PDE4D: variants seen among roughly 807,000 people sequenced by gnomAD.
PDE4D encodes the protein 3',5'-cyclic-AMP phosphodiesterase 4D.
Under a neutral mutation model 87.4 loss-of-function variants are expected in PDE4D, and 24 were observed. That is an observed-to-expected ratio of 0.27 (90% CI 0.20 to 0.39). The LOEUF (loss-of-function observed/expected upper bound fraction) is 0.39. Among genes scored for constraint, PDE4D ranks in the 10% least tolerant of loss-of-function variants. PDE4D has a pLI of 1.00. For missense variants in PDE4D, 714 were observed against 1,041.0 expected, an observed-to-expected ratio of 0.69 and a Z score of 4.32; for synonymous variants, 384 against 383.2, an observed-to-expected ratio of 1.00 and a Z score of -0.02.
At chr5:59,980,686 A>G (rs74320966) in intron 3 of PDE4D, among the ~76,000 whole-genome samples, 6,048 of 152,284 alleles carry the variant, frequency 0.04, 361 homozygotes, top group East Asian at 0.14. Flanking sequence ...TGGGGACACC[A>G]GAATGTACTA....
At chr5:59,874,239 G>A (rs1330223314) in intron 1 of PDE4D, among the ~76,000 whole-genome samples, 2 of 152,268 alleles carry the variant, frequency 1.3e-5, no homozygotes, top group South Asian at 4.1e-4. Flanking sequence ...GGTGAGTCCA[G>A]TGAGATGTTA....
intron 3 of PDE4D, among the ~76,000 whole-genome samples, chr5:59,914,695 C>T (rs540512593): frequency 1.3e-4 from 20 of 151,862 alleles, no homozygotes; most frequent in Admixed American, 2.0e-4. Flanking sequence ...GAAGATCATA[C>T]TCTGGCTGCC....
chr5:59,197,394 A>G (rs1047766070), intron 2 of PDE4D, among the ~76,000 whole-genome samples: 9 of 152,150 alleles, frequency 5.9e-5, no homozygotes, highest in Admixed American at 1.3e-4. Context: ...CAAATATCTC[A>G]AGATGGTCTC....
chr5:59,513,153 T>C (rs1810552225), intron 1 of PDE4D, among the ~76,000 whole-genome samples: 1 of 152,162 alleles, frequency 6.6e-6, no homozygotes, highest in African/African-American at 2.4e-5. Flanking sequence ...TGGTTTACAG[T>C]GCAGCTATTT....
intron 5 of PDE4D, among the ~76,000 whole-genome samples, chr5:59,151,058 C>A (rs1341694748): frequency 6.6e-6 from 1 of 152,116 alleles, no homozygotes; most frequent in East Asian, 1.9e-4. Context: ...GTGATGGTTC[C>A]CAAAACTTCT....
chr5:60,383,350 C>T (rs529666928), intron 1 of PDE4D, among the ~76,000 whole-genome samples: 1 of 152,150 alleles, frequency 6.6e-6, no homozygotes, highest in Admixed American at 6.6e-5. Flanking sequence ...GAAATGAATT[C>T]TATGAAAATA....
chr5:60,021,747 A>G (rs531992545), intron 2 of PDE4D: 1 of 152,366 alleles, frequency 6.6e-6, no homozygotes, highest in Admixed American at 6.5e-5. Context: ...AAATCTAACC[A>G]GTGTTCTTCC....
chr5:59,787,212 G>A (rs779536824), intron 1 of PDE4D, among the ~76,000 whole-genome samples: 9 of 152,052 alleles, frequency 5.9e-5, no homozygotes, highest in African/African-American at 1.4e-4. Context: ...TTTCTTATGC[G>A]CCTTATACCA....
At chr5:59,151,608 C>A (rs916800693) in intron 5 of PDE4D, among the ~76,000 whole-genome samples, 3 of 152,202 alleles carry the variant, frequency 2.0e-5, no homozygotes, top group African/African-American at 7.2e-5. Context: ...ACTGATGGTA[C>A]TCCCTGTGTA....
chr5:60,093,023 A>T lies in PDE4D; in HGVS notation c.42+92534T>A, dbSNP rs143386869. On this transcript the variant is annotated intron_variant, in intron 2 of 16. Coordinates refer to the PDE4D transcript ENST00000502484. ...TTGCAGAATCAAACCAACAGCTTACAAGTGGTTACATATCTGATAGATTGA... is the reference window on the plus strand; with the variant it reads ...TTGCAGAATCAAACCAACAGCTTACTAGTGGTTACATATCTGATAGATTGA... Among the ~76,000 whole-genome samples the T allele has an allele frequency of 1.3e-3, 205 of 152,286 alleles. 1 individual carries two copies. Among genetic ancestry groups the T allele is most frequent in the African/African-American group, 4.5e-3 (188 of 41,580 alleles).
intron 5 of PDE4D, among the ~76,000 whole-genome samples, chr5:59,148,611 G>A (rs931312367): frequency 8.5e-5 from 13 of 152,080 alleles, no homozygotes; most frequent in East Asian, 3.8e-4. Flanking sequence ...AATTGGTTAC[G>A]AATTGTATTT....
At chr5:59,939,482 T>C (rs2152796706) in intron 3 of PDE4D, among the ~76,000 whole-genome samples, 1 of 152,154 alleles carries the variant, frequency 6.6e-6, no homozygotes, top group South Asian at 2.1e-4. Context: ...CTCCAAATAA[T>C]TACATGAATA....
intron 1 of PDE4D, among the ~76,000 whole-genome samples, chr5:59,628,716 T>C (rs1423714965): frequency 5.9e-5 from 9 of 152,244 alleles, no homozygotes; most frequent in Middle Eastern, 3.4e-3. Flanking sequence ...AAATAAATGA[T>C]TCTATGATTT....
intron 1 of PDE4D, among the ~76,000 whole-genome samples, chr5:60,274,169 TG>T (rs35243649): frequency 0.32 from 48,888 of 151,902 alleles, 9,086 homozygotes; most frequent in African/African-American, 0.51. Context: ...ATATTGATGA[TG>T]GGGGTAGAGA....
At chr5:59,609,757 C>T (rs1370950884) in intron 1 of PDE4D, among the ~76,000 whole-genome samples, 1 of 152,166 alleles carries the variant, frequency 6.6e-6, no homozygotes, top group Non-Finnish European at 1.5e-5. Flanking sequence ...AGAATTCACT[C>T]TACAGAAAAA....
intron 1 of PDE4D, among the ~76,000 whole-genome samples, chr5:59,247,636 CAA>C (rs562239621): frequency 4.7e-4 from 71 of 152,150 alleles, no homozygotes; most frequent in Non-Finnish European, 6.2e-4. Flanking sequence ...ACTTGCATTA[CAA>C]AAAATGAAAA....
At chr5:59,913,905 T>C (rs1753710787) in intron 3 of PDE4D, among the ~76,000 whole-genome samples, 2 of 152,172 alleles carry the variant, frequency 1.3e-5, no homozygotes, top group Non-Finnish European at 2.9e-5. Context: ...GTAGTTTTAA[T>C]ATAATTTGTG....
chr5:59,707,775 C>A (rs1753653135), intron 1 of PDE4D, among the ~76,000 whole-genome samples: 1 of 152,240 alleles, frequency 6.6e-6, no homozygotes, highest in South Asian at 2.1e-4. Context: ...CACGTCCCTG[C>A]AAAGGACATT....
At position 60,389,043 on chromosome 5, in the gene PDE4D, A is replaced by ACT. The variant is rs1561197343; in HGVS notation, c.-90+98898_-90+98899insAG. Among the ~76,000 whole-genome samples, 78 of 152,318 alleles carry ACT rather than the reference A, an allele frequency of 5.1e-4. 1 individual carries two copies. Among genetic ancestry groups the ACT allele is most frequent in the Admixed American group, 5.1e-3 (78 of 15,300 alleles). ...TTTAATCCACATTTTGCCATCCAAGAAATTATGATATAGAATATCATATAG... is the reference window on the plus strand; with the variant it reads ...TTTAATCCACATTTTGCCATCCAAGACTAATTATGATATAGAATATCATATAG... On this transcript the variant is annotated intron_variant, in intron 1 of 16. Coordinates refer to the PDE4D transcript ENST00000502484.
Sources: allele counts gnomAD v4.1 joint callset (sites outside exome capture counted in the v4.1 genomes callset), GRCh38; gene constraint gnomAD v4.1.1; transcripts MANE v1.5; gene names NCBI Gene and HGNC (gene_info 2026-07-23, HGNC 2026-07-21).